BZW2: variants seen among roughly 807,000 people sequenced by gnomAD.
BZW2 encodes the protein basic leucine zipper and W2 domains 2, also known as eIF5-mimic protein 1.
BZW2 carries 23 observed loss-of-function variants against 53.2 expected under a neutral mutation model. The ratio of observed to expected loss-of-function variants is 0.43; its 90% confidence interval spans 0.31 to 0.61. The LOEUF (loss-of-function observed/expected upper bound fraction) is 0.61. Among genes scored for constraint, BZW2 ranks in the 20% least tolerant of loss-of-function variants. BZW2 has a pLI of 0.09. For synonymous variants in BZW2, 227 were observed against 186.4 expected (o/e 1.22, Z -1.77); for missense variants, 409 against 503.1 (o/e 0.81, Z 1.79).
At chr7:16,694,515 A>G (rs529653270) in intron 7 of BZW2, among the ~76,000 whole-genome samples, 1 of 152,092 alleles carries the variant, frequency 6.6e-6, no homozygotes, top group African/African-American at 2.4e-5. Flanking sequence ...CCACTAATCC[A>G]TGAATGGATT....
At chr7:16,681,841 A>G (rs1161002353) in intron 4 of BZW2, among the ~76,000 whole-genome samples, 1 of 152,190 alleles carries the variant, frequency 6.6e-6, no homozygotes, top group African/African-American at 2.4e-5. Context: ...AACAAAACAA[A>G]AAGAACTACA....
chr7:16,681,390 C>T lies in BZW2; in HGVS notation c.325C>T (p.Arg109Ter), dbSNP rs1583729856. Residue 109 changes from arginine to a stop codon, truncating the protein, a stop_gained, in exon 4 of 12, where the codon CGA becomes TGA. Coordinates refer to ENST00000258761, the MANE Select transcript of BZW2 (RefSeq NM_014038.3). LOFTEE classifies it high-confidence loss of function. ...AGCAAATGAAGATCATGAAACCATC[C>T]GAAACTATGCTCAGGTAGAGCCTGT... ...FSANEDHETI[R>*]NYAQVFNKLI... 3.1e-6 allele frequency: 5 copies of T among 1,613,420 alleles called. No homozygotes were observed. The highest frequency in any genetic ancestry group is 2.2e-5 in the East Asian group (1 of 44,852).
intron 4 of BZW2, 42 bp from the exon 5 acceptor site, chr7:16,682,738 C>A: frequency 1.5e-6 from 2 of 1,338,066 alleles, no homozygotes; most frequent in South Asian, 1.4e-5. Context: ...ACTTCTGTGT[C>A]TTTTTGGTTG....
chr7:16,656,349 T>C (rs139893835), intron 1 of BZW2, among the ~76,000 whole-genome samples: 306 of 152,258 alleles, frequency 2.0e-3, no homozygotes, highest in Middle Eastern at 3.4e-3. Context: ...ATTCAGGTCA[T>C]GTGTTTTTGT....
At chr7:16,685,758 A>T (rs1783095980) in intron 5 of BZW2, 147 bp from the exon 6 acceptor site, 1 of 1,012,124 alleles carries the variant, frequency 9.9e-7, no homozygotes, top group Non-Finnish European at 1.4e-6. Context: ...ATGAATTACT[A>T]TGCTTTGCAT....
At chr7:16,669,862 C>T (rs1010524931) in intron 2 of BZW2, among the ~76,000 whole-genome samples, 1 of 152,210 alleles carries the variant, frequency 6.6e-6, no homozygotes, top group African/African-American at 2.4e-5. Context: ...CACTTCAAGG[C>T]AGACTTGAAC....
intron 1 of BZW2, among the ~76,000 whole-genome samples, chr7:16,663,929 A>C (rs920699747): frequency 6.6e-6 from 1 of 152,236 alleles, no homozygotes; most frequent in African/African-American, 2.4e-5. Flanking sequence ...CCAGTAAAAT[A>C]GTATAAAGTA....
chr7:16,684,912 C>T (rs759574560), intron 5 of BZW2, among the ~76,000 whole-genome samples: 1 of 152,126 alleles, frequency 6.6e-6, no homozygotes, highest in African/African-American at 2.4e-5. Context: ...ATTTTCTTAT[C>T]CCCTACACAG....
At chr7:16,665,573 T>A in intron 2 of BZW2, 72 bp downstream of exon 2, 1 of 1,571,150 alleles carries the variant, frequency 6.4e-7, no homozygotes, top group Non-Finnish European at 8.6e-7. Context: ...AGAATCTGAA[T>A]GATCCCTGTT....
intron 5 of BZW2, 70 bp from the exon 6 acceptor site, chr7:16,685,835 T>A: frequency 6.8e-7 from 1 of 1,461,964 alleles, no homozygotes; most frequent in Non-Finnish European, 9.0e-7. Flanking sequence ...TTCAGTCCTT[T>A]GCTTCATAGA....
At chr7:16,662,077 C>A (rs924485755) in intron 1 of BZW2, 29 of 152,050 alleles carry the variant, frequency 1.9e-4, no homozygotes, top group African/African-American at 7.0e-4. Context: ...TAGGCCAGGG[C>A]TTTTATAAGG....
intron 3 of BZW2, among the ~76,000 whole-genome samples, chr7:16,675,085 G>A (rs1193257462): frequency 6.6e-6 from 1 of 152,132 alleles, no homozygotes; most frequent in African/African-American, 2.4e-5. Context: ...AAAGATAGGT[G>A]AAAACAAAAT....
chr7:16,649,963 T>C lies in BZW2; in HGVS notation c.-8+3675T>C, dbSNP rs572105336. 5.9e-5 allele frequency among the ~76,000 whole-genome samples: 9 copies of C among 152,306 alleles called. No homozygotes were observed. In the South Asian group the frequency reaches 1.9e-3, roughly 32 times the overall value. The stretch of plus-strand genomic sequence containing the variant: ...TGGATATATTTGAGATTTTCCATAA[T>C]GAAGTTTTTAAAAAGAAAATTTGGA... On this transcript the variant is annotated intron_variant, in intron 1 of 11. Coordinates refer to ENST00000258761, the MANE Select transcript of BZW2 (RefSeq NM_014038.3).
intron 1 of BZW2, among the ~76,000 whole-genome samples, chr7:16,660,157 T>C (rs893273211): frequency 6.6e-6 from 1 of 152,108 alleles, no homozygotes; most frequent in African/African-American, 2.4e-5. Flanking sequence ...ACAAAGGACA[T>C]GAACTCATCC....
chr7:16,651,603 A>G (rs1196542790), intron 1 of BZW2, among the ~76,000 whole-genome samples: 2 of 152,220 alleles, frequency 1.3e-5, no homozygotes, highest in Admixed American at 6.5e-5. Flanking sequence ...ATGCGGTGTT[A>G]GTATTTGGGA....
chr7:16,665,396 G>T (rs757167234), intron 1 of BZW2, 41 bp from the exon 2 acceptor site: 2 of 1,611,858 alleles, frequency 1.2e-6, no homozygotes, highest in Admixed American at 3.3e-5. Context: ...CATATAAACT[G>T]CTTATCTGAA....
At chr7:16,658,830 G>A (rs1396565698) in intron 1 of BZW2, among the ~76,000 whole-genome samples, 1 of 151,538 alleles carries the variant, frequency 6.6e-6, no homozygotes, top group South Asian at 2.1e-4. Flanking sequence ...AGCCAAGATC[G>A]CACCACTGCA....
intron 2 of BZW2, among the ~76,000 whole-genome samples, chr7:16,672,232 T>C (rs1359944014): frequency 6.6e-6 from 1 of 152,202 alleles, no homozygotes; most frequent in Non-Finnish European, 1.5e-5. Flanking sequence ...GGGAGATTTA[T>C]TGAGATTTTT....
intron 1 of BZW2, among the ~76,000 whole-genome samples, chr7:16,657,196 A>G (rs1219168327): frequency 6.6e-6 from 1 of 152,224 alleles, no homozygotes; most frequent in African/African-American, 2.4e-5. Context: ...TATAGAAAGG[A>G]TATGCATTTA....
Sources: gnomAD v4.1 joint callset for allele counts (sites outside exome capture counted in the v4.1 genomes callset) on GRCh38, gnomAD v4.1.1 for gene constraint, MANE v1.5 for transcripts, NCBI Gene and HGNC (gene_info 2026-07-23, HGNC 2026-07-21) for gene names.